KCNIP1: variants seen among roughly 807,000 people sequenced by gnomAD.
KCNIP1 encodes A-type potassium channel modulatory protein KCNIP1.
In KCNIP1, 18 loss-of-function variants were observed where a neutral mutation model predicts 33.0. That is an observed-to-expected ratio of 0.55 (90% CI 0.38 to 0.81). The LOEUF is 0.81. Ranked by LOEUF, KCNIP1 falls within the 30% of genes least tolerant of loss-of-function variation. KCNIP1 has a pLI of 0.00. For synonymous variants in KCNIP1, 93 were observed against 98.3 expected, an observed-to-expected ratio of 0.95 and a Z score of 0.32; for missense variants, 238 against 271.6, an observed-to-expected ratio of 0.88 and a Z score of 0.87.
rs115459755 is a variant in KCNIP1, at chr5:170,585,010, C to G, written c.61+80377C>G. On this transcript the variant is annotated intron_variant, in intron 1 of 7. Transcript: ENST00000328939. ...AGGCATTATCCCATGTAACCCCTAACAGCCCTAGGAAGTAGACACTACTAG... is the reference window on the plus strand; with the variant it reads ...AGGCATTATCCCATGTAACCCCTAAGAGCCCTAGGAAGTAGACACTACTAG... 2.4e-3 allele frequency among the ~76,000 whole-genome samples: 360 copies of G among 152,224 alleles called. 1 individual carries two copies. Among genetic ancestry groups the G allele is most frequent in the African/African-American group, 8.5e-3 (353 of 41,524 alleles).
At chr5:170,447,129 G>C (rs1756136648) in intron 1 of KCNIP1, among the ~76,000 whole-genome samples, 1 of 143,946 alleles carries the variant, frequency 6.9e-6, no homozygotes, top group South Asian at 2.2e-4. Flanking sequence ...AAACATCCCA[G>C]TAGGAGCTGG....
Position 170,685,235 on chromosome 5 carries a change from T to A in KCNIP1, c.62-33523T>A, listed in dbSNP as rs188748572. On this transcript the variant is annotated intron_variant, in intron 1 of 7. Transcript: ENST00000328939. ...GAACACATTCTGTGGTCAGAAGCCTTCTCATTACTTCTGATCTCAAAGGGA... is the reference window on the plus strand; with the variant it reads ...GAACACATTCTGTGGTCAGAAGCCTACTCATTACTTCTGATCTCAAAGGGA... 3.1e-3 allele frequency among the ~76,000 whole-genome samples: 467 copies of A among 151,798 alleles called. 8 individuals are homozygous for A. The highest frequency in any genetic ancestry group is 0.01 in the Admixed American group (160 of 15,242).
exon 1 of KCNIP1, chr5:170,353,718 G>A (rs760376161): frequency 2.0e-4 from 127 of 645,880 alleles, no homozygotes; most frequent in Non-Finnish European, 2.8e-4. Flanking sequence ...AGCCAGACTC[G>A]CTGCAGAGGC....
chr5:170,401,048 C>G (rs528150591), intron 1 of KCNIP1, among the ~76,000 whole-genome samples: 25 of 152,182 alleles, frequency 1.6e-4, no homozygotes, highest in Non-Finnish European at 3.4e-4. Flanking sequence ...CTGAAGAGGG[C>G]TCCCCTACCA....
intron 1 of KCNIP1, chr5:170,681,188 C>A (rs1297051696): frequency 2.5e-6 from 1 of 398,960 alleles, no homozygotes; most frequent in Non-Finnish European, 4.4e-6. Flanking sequence ...GTAAGCGAAC[C>A]CTGGAGCTTC....
chr5:170,648,228 T>C (rs1047532316), intron 1 of KCNIP1, among the ~76,000 whole-genome samples: 4 of 152,236 alleles, frequency 2.6e-5, no homozygotes, highest in Admixed American at 2.0e-4. Flanking sequence ...GGCAGTTTCT[T>C]ACAAAACTAA....
chr5:170,581,072 T>C (rs1757777301), intron 1 of KCNIP1, among the ~76,000 whole-genome samples: 1 of 152,178 alleles, frequency 6.6e-6, no homozygotes, highest in Non-Finnish European at 1.5e-5. Flanking sequence ...AGCCATCTCC[T>C]TGATAAACCT....
intron 1 of KCNIP1, among the ~76,000 whole-genome samples, chr5:170,461,895 A>T (rs542715202): frequency 2.3e-4 from 35 of 152,326 alleles, no homozygotes; most frequent in Non-Finnish European, 3.7e-4. Flanking sequence ...TAGTGCTGGG[A>T]TAATTGGCAA....
intron 1 of KCNIP1, among the ~76,000 whole-genome samples, chr5:170,672,545 AT>A (rs1761966062): frequency 6.6e-6 from 1 of 152,276 alleles, no homozygotes; most frequent in Non-Finnish European, 1.5e-5. Context: ...TTTTAAAAAA[AT>A]ATAAGATTAA....
intron 1 of KCNIP1, among the ~76,000 whole-genome samples, chr5:170,631,917 C>A (rs1455460013): frequency 6.6e-6 from 1 of 152,256 alleles, no homozygotes; most frequent in Non-Finnish European, 1.5e-5. Flanking sequence ...AGCCATAGGT[C>A]CAAATCCCGC....
intron 1 of KCNIP1, among the ~76,000 whole-genome samples, chr5:170,373,691 A>G (rs1763909098): frequency 2.0e-5 from 3 of 152,240 alleles, no homozygotes; most frequent in Admixed American, 1.3e-4. Flanking sequence ...AGCTTTAGAA[A>G]GGCACCTAGA....
intron 1 of KCNIP1, among the ~76,000 whole-genome samples, chr5:170,496,829 C>T (rs1484400935): frequency 6.6e-6 from 1 of 152,216 alleles, no homozygotes; most frequent in Admixed American, 6.5e-5. Context: ...CTCACCCCAC[C>T]TCAGCCCTGC....
At chr5:170,508,236 A>C (rs916721348) in intron 1 of KCNIP1, among the ~76,000 whole-genome samples, 1 of 152,224 alleles carries the variant, frequency 6.6e-6, no homozygotes, top group African/African-American at 2.4e-5. Context: ...TGAGCTTCGG[A>C]TCTCCAGAAT....
upstream of KCNIP1, among the ~76,000 whole-genome samples, chr5:170,502,083 T>C (rs1322945270): frequency 3.3e-5 from 5 of 152,160 alleles, no homozygotes; most frequent in Non-Finnish European, 7.4e-5. Flanking sequence ...GAACCCAAGT[T>C]CTAATCCCAC....
At chr5:170,510,754 C>T (rs185151054) in intron 1 of KCNIP1, among the ~76,000 whole-genome samples, 7 of 152,166 alleles carry the variant, frequency 4.6e-5, no homozygotes, top group East Asian at 3.9e-4. Flanking sequence ...CTCATTGGTG[C>T]GGTGGGGGGA....
intron 1 of KCNIP1, among the ~76,000 whole-genome samples, chr5:170,393,524 C>A (rs1754670769): frequency 6.6e-6 from 1 of 152,162 alleles, no homozygotes; most frequent in African/African-American, 2.4e-5. Context: ...CCCTTCACTG[C>A]AGAAAAGCGA....
intron 1 of KCNIP1, among the ~76,000 whole-genome samples, chr5:170,428,320 C>A (rs574373640): frequency 1.1e-4 from 16 of 152,024 alleles, no homozygotes; most frequent in Non-Finnish European, 2.4e-4. Flanking sequence ...TGCCACAGTG[C>A]GAAAGATAGG....
At chr5:170,439,525 C>T (rs1028046668) in intron 1 of KCNIP1, among the ~76,000 whole-genome samples, 24 of 152,146 alleles carry the variant, frequency 1.6e-4, no homozygotes, top group Admixed American at 1.4e-3. Flanking sequence ...CTGGTGGTCT[C>T]AGCTGCCACT....
chr5:170,561,485 G>T (rs779074940), intron 1 of KCNIP1, among the ~76,000 whole-genome samples: 4 of 152,242 alleles, frequency 2.6e-5, no homozygotes, highest in Admixed American at 6.5e-5. Flanking sequence ...AAATGGTGAA[G>T]GAGCATGTGG....
Sources: allele counts gnomAD v4.1 joint callset (sites outside exome capture counted in the v4.1 genomes callset), GRCh38; gene constraint gnomAD v4.1.1; transcripts MANE v1.5; gene names NCBI Gene and HGNC (gene_info 2026-07-23, HGNC 2026-07-21).